ADNP2: variants seen among roughly 807,000 people sequenced by gnomAD.
The protein encoded by ADNP2 is ADNP homeobox 2.
Under a neutral mutation model 16.4 loss-of-function variants are expected in ADNP2, and 8 were observed. The ratio of observed to expected loss-of-function variants is 0.49; its 90% CI spans 0.29 to 0.88. The LOEUF is 0.88. ADNP2 is among the 40% of genes least tolerant of loss of function. The probability of loss-of-function intolerance (pLI) is 0.09; values close to 1 mark genes in which losing one functional copy is unlikely to be tolerated. For missense variants in ADNP2, 1,397 were observed against 1,395.1 expected, an observed-to-expected ratio of 1.00 and a Z score of -0.02; for synonymous variants, 637 against 545.8, an observed-to-expected ratio of 1.17 and a Z score of -2.33.
At position 80,137,570 on chromosome 18, in the gene ADNP2, C is replaced by T. The variant is rs764522978; in HGVS notation, c.2157C>T (p.Ser719=). ...ACATGGAGGTAGCGCATAAGCACAG[C>T]GAGTCCAAGTCTGGTGAGAAACTTG... ...QVHMEVAHKH[S]ESKSGEKLEP... Residue 719 remains serine (S), a synonymous_variant, in exon 4 of 4, where the codon AGC becomes AGT. Coordinates refer to ENST00000262198, the MANE Select transcript of ADNP2 (RefSeq NM_014913.4). The surrounding 1 kb of genome is among the most constrained non-coding windows in gnomAD (Gnocchi z 4.2). 9 of 1,614,066 alleles carry T rather than the reference C, an allele frequency of 5.6e-6. No individual in the cohort carries two copies. Among genetic ancestry groups the T allele is most frequent in the Admixed American group, 1.7e-5 (1 of 59,996 alleles).
At chr18:80,116,231 G>A (rs969669067) in intron 1 of ADNP2, among the ~76,000 whole-genome samples, 1 of 152,106 alleles carries the variant, frequency 6.6e-6, no homozygotes, top group Non-Finnish European at 1.5e-5. Flanking sequence ...ATAATCTATT[G>A]TATGGATATG....
rs751670374 is a variant in ADNP2, at chr18:80,136,975, C to A, written c.1562C>A (p.Ser521Tyr). ...CAGGTGGTCCCGTCTGGGCTTCTTT[C>A]TCCCAACCAGACAGTCTCCTCCTCA... ...AGQVVPSGLL[S>Y]PNQTVSSSAV... Residue 521 changes from serine (S) to tyrosine (Y), a missense_variant, in exon 4 of 4, where the codon TCT (serine) becomes TAT (tyrosine). By Grantham distance (144) the Ser-to-Tyr change is moderately radical. Coordinates refer to ENST00000262198, the MANE Select transcript of ADNP2 (RefSeq NM_014913.4). 1.2e-6 allele frequency: 2 copies of A among 1,613,826 alleles called. No individual in the cohort carries two copies. The highest frequency in any genetic ancestry group is 1.7e-6 in the Non-Finnish European group (2 of 1,179,862).
chr18:80,124,830 G>C (rs1454914806), intron 2 of ADNP2, among the ~76,000 whole-genome samples: 1 of 151,958 alleles, frequency 6.6e-6, no homozygotes, highest in Admixed American at 6.6e-5. Context: ...GATATTTCAG[G>C]GTAATGGTTT....
chr18:80,120,695 C>T (rs1236630350), intron 2 of ADNP2, among the ~76,000 whole-genome samples: 1 of 151,990 alleles, frequency 6.6e-6, no homozygotes, highest in Non-Finnish European at 1.5e-5. Flanking sequence ...CACTCTGTCA[C>T]CAGGCTGGAG....
chr18:80,135,910 T>A lies in ADNP2; in HGVS notation c.497T>A (p.Leu166Ter). The stretch of plus-strand genomic sequence containing the variant: ...CTAAAATGTAACTTTTCAAACACTT[T>A]GTACTACAGCATGAAGAAGCATGTG... ...TCLKCNFSNT[L>*]YYSMKKHVLV... The change falls in exon 4 of 4, where the codon TTG becomes TAG. Residue 166 changes from leucine to a stop codon, truncating the protein, a stop_gained. Transcript: ENST00000262198. LOFTEE classifies it low-confidence loss of function (END_TRUNC). 6.2e-7 allele frequency: 1 copy of A among 1,614,238 alleles called. No individual in the cohort carries two copies. Among genetic ancestry groups the A allele is most frequent in the Non-Finnish European group, 8.5e-7 (1 of 1,180,042 alleles).
chr18:80,126,817 CAATT>C (rs1326792312), intron 2 of ADNP2, among the ~76,000 whole-genome samples: 64 of 152,284 alleles, frequency 4.2e-4, no homozygotes, highest in African/African-American at 1.4e-3. Flanking sequence ...CCCTGATACT[CAATT>C]ACACACACAG....
chr18:80,114,164 G>T (rs1287541687), intron 1 of ADNP2, among the ~76,000 whole-genome samples: 1 of 149,676 alleles, frequency 6.7e-6, no homozygotes, highest in Non-Finnish European at 1.5e-5. Context: ...CTATACTCCA[G>T]CCTGGGTGAA....
chr18:80,121,886 TG>T (rs1203744129), intron 2 of ADNP2, among the ~76,000 whole-genome samples: 1 of 152,156 alleles, frequency 6.6e-6, no homozygotes, highest in Non-Finnish European at 1.5e-5. Flanking sequence ...TCTATTCCAT[TG>T]ATCTATATGT....
At chr18:80,129,772 C>A (rs1370835946) in intron 2 of ADNP2, among the ~76,000 whole-genome samples, 1 of 152,196 alleles carries the variant, frequency 6.6e-6, no homozygotes, top group Admixed American at 6.5e-5. Context: ...TATGTTCTTT[C>A]TGTGGACTGG....
Position 80,135,629 on chromosome 18 carries a change from A to G in ADNP2, c.216A>G (p.Pro72=). The change falls in exon 4 of 4, where the codon CCA becomes CCG. Residue 72 remains proline (P), a synonymous_variant. Transcript: ENST00000262198. ...TTTAACAGAGATATCGAACAAAGCC[A>G]TACTGTTGTGGCCTCTGTAAATACT... The part of the protein sequence containing the change: ...SGKKVRYRTK[P]YCCGLCKYST... 6.2e-7 allele frequency: 1 copy of G among 1,613,078 alleles called. No individual in the cohort carries two copies. Among genetic ancestry groups the G allele is most frequent in the Non-Finnish European group, 8.5e-7 (1 of 1,179,314 alleles).
chr18:80,114,942 G>A (rs547010136), intron 1 of ADNP2, among the ~76,000 whole-genome samples: 2 of 152,240 alleles, frequency 1.3e-5, no homozygotes, highest in South Asian at 4.2e-4. Flanking sequence ...TCTAGATTCT[G>A]GGCATGATCA....
intron 1 of ADNP2, among the ~76,000 whole-genome samples, chr18:80,113,932 T>G (rs965988074): frequency 1.3e-5 from 2 of 152,104 alleles, no homozygotes; most frequent in Non-Finnish European, 2.9e-5. Flanking sequence ...GGTTCATGCC[T>G]GTAATCCCCG....
In ADNP2 at chr18:80,140,102, T is replaced by G. The variant is rs140848840; in HGVS notation, c.*1293T>G. ...CAGAGGAACCCCTTCACTCTATCTTTAGGTAGAAATATTTGGAGGATGTGA... is the reference window on the plus strand; with the variant it reads ...CAGAGGAACCCCTTCACTCTATCTTGAGGTAGAAATATTTGGAGGATGTGA... On this transcript the variant is annotated 3_prime_UTR_variant, in exon 4 of 4. Coordinates refer to ENST00000262198, the MANE Select transcript of ADNP2 (RefSeq NM_014913.4). The G allele has an allele frequency of 5.3e-5, 8 of 152,282 alleles. No homozygotes were observed. The highest frequency in any genetic ancestry group is 8.8e-5 in the Non-Finnish European group (6 of 68,018). The allele number at this position is 152,282 out of a possible 1,614,324, so 9.4% of individuals were successfully genotyped here.
chr18:80,135,369 T>C (rs888092543), intron 3 of ADNP2, among the ~76,000 whole-genome samples: 16 of 152,230 alleles, frequency 1.1e-4, no homozygotes, highest in Admixed American at 9.2e-4. Context: ...TTGGGGACTT[T>C]TGTACAACAA....
chr18:80,113,170 A>C (rs2145189313), intron 1 of ADNP2, among the ~76,000 whole-genome samples: 1 of 152,328 alleles, frequency 6.6e-6, no homozygotes, highest in East Asian at 1.9e-4. Context: ...AAATCAGTGC[A>C]TTTTATTAAA....
At chr18:80,124,635 C>T (rs2052446438) in intron 2 of ADNP2, among the ~76,000 whole-genome samples, 1 of 152,058 alleles carries the variant, frequency 6.6e-6, no homozygotes. Context: ...CTTATGCAGG[C>T]ATGATTGATT....
In ADNP2 at chr18:80,129,520, C is replaced by T. The variant is rs1011038307; in HGVS notation, c.109-3583C>T. 7.2e-5 allele frequency among the ~76,000 whole-genome samples: 11 copies of T among 152,188 alleles called. No homozygotes were observed. In the East Asian group the frequency reaches 1.2e-3, roughly 16 times the overall value. On this transcript the variant is annotated intron_variant, in intron 2 of 3. Coordinates refer to ENST00000262198, the MANE Select transcript of ADNP2 (RefSeq NM_014913.4). ...CTGTTGGCCAGACCAGCCTCTTGTC[C>T]TGCAGAGATGCCCCTCCTTCCAGAT...
rs934907011 is a variant in ADNP2 at position 80,136,871 on chromosome 18, T to C, written c.1458T>C (p.Val486=). Residue 486 remains valine, a synonymous_variant, in exon 4 of 4, where the codon GTT becomes GTC. Transcript: ENST00000262198. ...LPTGQMVQSG[V]LPVGQTAPSR... ...CTGGCCAGATGGTCCAGTCAGGAGT[T>C]CTCCCTGTGGGCCAGACAGCTCCGT... is the stretch of plus-strand genomic sequence containing the variant. 3.1e-6 allele frequency: 5 copies of C among 1,613,938 alleles called. No homozygotes were observed. The Admixed American group carries it at 8.3e-5, about 27-fold the overall frequency.
intron 2 of ADNP2, among the ~76,000 whole-genome samples, chr18:80,127,442 G>C (rs1329601225): frequency 1.4e-5 from 2 of 140,692 alleles, no homozygotes; most frequent in African/African-American, 5.4e-5. Context: ...CATCTAATCT[G>C]CTCTTAATCC....
Sources: gnomAD v4.1 joint callset for allele counts (sites outside exome capture counted in the v4.1 genomes callset) on GRCh38, gnomAD v4.1.1 for gene constraint, Gnocchi (gnomAD v3.1) non-coding constraint, MANE v1.5 for transcripts, NCBI Gene and HGNC (gene_info 2026-07-23, HGNC 2026-07-21) for gene names.